GART: variants seen among roughly 807,000 people sequenced by gnomAD.
GART encodes phosphoribosylglycinamide formyltransferase, phosphoribosylglycinamide synthetase, phosphoribosylaminoimidazole synthetase.
Under a neutral mutation model 107.2 loss-of-function variants are expected in GART, and 43 were observed. The ratio of observed to expected loss-of-function variants is 0.40; its 90% CI spans 0.31 to 0.52. The LOEUF is 0.52. Among genes scored for constraint, GART ranks in the 20% least tolerant of loss-of-function variants. GART has a pLI of 0.52. For synonymous variants in GART, 434 were observed against 427.0 expected (o/e 1.02, Z -0.20); for missense variants, 1,107 against 1,206.5 (o/e 0.92, Z 1.22).
chr21:33,512,132 T>C (rs1374636177), intron 16 of GART, among the ~76,000 whole-genome samples: 2 of 151,052 alleles, frequency 1.3e-5, no homozygotes, highest in Non-Finnish European at 3.0e-5. Flanking sequence ...AAAAATACAA[T>C]AATTAGCTGG....
chr21:33,538,305 G>C (rs2085343029), intron 2 of GART, among the ~76,000 whole-genome samples: 1 of 149,774 alleles, frequency 6.7e-6, no homozygotes, highest in Non-Finnish European at 1.5e-5. Context: ...AGTAACAACT[G>C]TTAAAAACTT....
At chr21:33,526,536 AT>A (rs373448235) in intron 10 of GART, among the ~76,000 whole-genome samples, 1,620 of 143,898 alleles carry the variant, frequency 0.011, 33 homozygotes, top group African/African-American at 0.034. Flanking sequence ...TTCTTTTTCG[AT>A]TTTTTTTTTT....
At chr21:33,537,711 C>T (rs1278864740) in intron 2 of GART, among the ~76,000 whole-genome samples, 1 of 152,050 alleles carries the variant, frequency 6.6e-6, no homozygotes, top group Non-Finnish European at 1.5e-5. Context: ...CAGCAAGCTT[C>T]TGCTTGGGAA....
At chr21:33,518,663 G>T in intron 14 of GART, 1 of 428,332 alleles carries the variant, frequency 2.3e-6, no homozygotes, top group East Asian at 6.1e-5. Context: ...TTCTTCAGAA[G>T]TTGACTCAAT....
chr21:33,530,541 C>G (rs2085165726), intron 7 of GART, among the ~76,000 whole-genome samples: 1 of 152,184 alleles, frequency 6.6e-6, no homozygotes, highest in Non-Finnish European at 1.5e-5. Flanking sequence ...TCAACCCATA[C>G]TATACTTTAG....
intron 4 of GART, among the ~76,000 whole-genome samples, chr21:33,532,929 C>G (rs751546979): frequency 6.6e-6 from 1 of 151,778 alleles, no homozygotes; most frequent in African/African-American, 2.4e-5. Flanking sequence ...TTGCTCAAGG[C>G]ATCTGGCTGC....
In GART at chr21:33,531,470, A is replaced by G. The variant is rs1446498248; in HGVS notation, c.597+19T>C. Reference sequence around the variant, plus strand: ...AGCTTCTTATACACTACAAAAGCCAAAAAGATGAATATACATACCGACACC... The same window carrying G: ...AGCTTCTTATACACTACAAAAGCCAGAAAGATGAATATACATACCGACACC... On this transcript the variant is annotated intron_variant, in intron 6 of 21. Transcript: ENST00000381815. The G allele has an allele frequency of 6.2e-7, 1 of 1,608,566 alleles. No homozygotes were observed. The highest frequency in any genetic ancestry group is 1.3e-5 in the African/African-American group (1 of 74,702).
chr21:33,534,835 A>G, intron 3 of GART, 82 bp from the exon 4 acceptor site: 7 of 1,233,920 alleles, frequency 5.7e-6, no homozygotes, highest in South Asian at 1.6e-5. Context: ...GTATCAGACT[A>G]TATCTACATC....
rs768546179 is a variant in GART, at chr21:33,506,002, TTATC to T, written c.2551_2554del (p.Asp851LysfsTer11). ...AGTGGGAATACCAGCTCTTTCCGCTTTATCTAACCCAGCTACTGCGGCTTTGTTG... is the reference window on the plus strand; with the variant it reads ...AGTGGGAATACCAGCTCTTTCCGCTTTAACCCAGCTACTGCGGCTTTGTTG... On this transcript the variant is annotated frameshift_variant, in exon 19 of 22. Coordinates refer to ENST00000381815, the MANE Select transcript of GART (RefSeq NM_000819.5). LOFTEE classifies it high-confidence loss of function. 6.2e-7 allele frequency: 1 copy of T among 1,614,164 alleles called. No individual in the cohort carries two copies. The highest frequency in any genetic ancestry group is 2.2e-5 in the East Asian group (1 of 44,884).
At chr21:33,505,491 G>T in intron 20 of GART, 70 bp downstream of exon 20, 1 of 1,372,922 alleles carries the variant, frequency 7.3e-7, no homozygotes, top group Non-Finnish European at 9.9e-7. Context: ...GGGATTGTTT[G>T]GCAAGTTATC....
chr21:33,519,090 G>C, intron 14 of GART: 1 of 289,332 alleles, frequency 3.5e-6, no homozygotes, highest in Admixed American at 4.3e-5. Context: ...CCATCATTAC[G>C]CAATTGTGCC....
intron 1 of GART, among the ~76,000 whole-genome samples, chr21:33,540,747 T>C (rs556145306): frequency 6.6e-6 from 1 of 152,212 alleles, no homozygotes; most frequent in African/African-American, 2.4e-5. Context: ...TTTGATGATG[T>C]TGGGATTACA....
intron 20 of GART, 69 bp downstream of exon 20, chr21:33,505,492 G>T (rs2084662308): frequency 1.4e-6 from 2 of 1,384,694 alleles, no homozygotes; most frequent in Non-Finnish European, 2.0e-6. Context: ...GGATTGTTTG[G>T]CAAGTTATCT....
At chr21:33,534,113 C>T (rs1306683519) in intron 4 of GART, among the ~76,000 whole-genome samples, 1 of 152,224 alleles carries the variant, frequency 6.6e-6, no homozygotes, top group Non-Finnish European at 1.5e-5. Context: ...CGACAACCCA[C>T]ATAATATTTA....
At position 33,532,340 on chromosome 21, in the gene GART, C is replaced by T. The variant is rs781566657; in HGVS notation, c.528+5G>A. 2 of 1,605,206 alleles carry T rather than the reference C, an allele frequency of 1.2e-6. No homozygotes were observed. The highest frequency in any genetic ancestry group is 1.7e-6 in the Non-Finnish European group (2 of 1,172,732). On this transcript the variant is annotated splice_donor_5th_base_variant and intron_variant, in intron 5 of 21. Coordinates refer to ENST00000381815, the MANE Select transcript of GART (RefSeq NM_000819.5). ...AAGTAAATTTTTTCAGAAGACCCAG[C>T]CTACCTGCATGATCTCTTGTACAGC... is the stretch of plus-strand genomic sequence containing the variant.
At chr21:33,525,869 C>CTTT (rs35893472) in intron 10 of GART, among the ~76,000 whole-genome samples, 2 of 135,034 alleles carry the variant, frequency 1.5e-5, no homozygotes, top group East Asian at 2.1e-4. Context: ...AGGGAACTTC[C>CTTT]TTTTTTTTTT....
intron 2 of GART, among the ~76,000 whole-genome samples, chr21:33,538,517 G>A (rs376077536): frequency 2.6e-4 from 39 of 152,100 alleles, no homozygotes; most frequent in African/African-American, 9.2e-4. Context: ...GTAAGCGTGA[G>A]CCACTGCACG....
At chr21:33,515,052 A>AT (rs915530309) in intron 16 of GART, among the ~76,000 whole-genome samples, 4 of 151,820 alleles carry the variant, frequency 2.6e-5, no homozygotes, top group Non-Finnish European at 5.9e-5. Flanking sequence ...TAACTAATCT[A>AT]TTTTTTTTCT....
At chr21:33,531,003 T>G (rs897672079) in intron 6 of GART, 119 bp from the exon 7 acceptor site, 38 of 897,772 alleles carry the variant, frequency 4.2e-5, no homozygotes, top group Non-Finnish European at 5.2e-5. Flanking sequence ...TTTTTTTTTT[T>G]GCAGAGAAAT....
Sources: gnomAD v4.1 joint callset for allele counts (sites outside exome capture counted in the v4.1 genomes callset) on GRCh38, gnomAD v4.1.1 for gene constraint, MANE v1.5 for transcripts, NCBI Gene and HGNC (gene_info 2026-07-23, HGNC 2026-07-21) for gene names.